SH2D3C: variants seen among roughly 807,000 people sequenced by gnomAD.
The protein encoded by SH2D3C is SH2 domain-containing protein 3C.
Under a neutral mutation model 75.2 loss-of-function variants are expected in SH2D3C, and 25 were observed. The ratio of observed to expected loss-of-function variants is 0.33; its 90% confidence interval spans 0.24 to 0.46. SH2D3C has a LOEUF of 0.46. Ranked by LOEUF, SH2D3C falls within the 20% of genes least tolerant of loss-of-function variation. SH2D3C has a pLI of 1.00. For missense variants in SH2D3C, 933 were observed against 1,165.3 expected (o/e 0.80, Z 2.90); for synonymous variants, 450 against 473.7 (o/e 0.95, Z 0.65).
intron 10 of SH2D3C, 24 bp downstream of exon 10, chr9:127,740,234 C>A: frequency 1.3e-6 from 2 of 1,597,986 alleles, no homozygotes; most frequent in Non-Finnish European, 1.7e-6. Flanking sequence ...GCAGCCTGTC[C>A]AAGGTCACGC....
rs1412161313 is a variant in SH2D3C, at chr9:127,754,101, G to A, written c.556-2801C>T. On this transcript the variant is annotated intron_variant, in intron 3 of 11. Coordinates refer to ENST00000314830, the MANE Select transcript of SH2D3C (RefSeq NM_170600.3). This position sits in a 1 kb window ranked among gnomAD's most constrained non-coding sequence, Gnocchi z 4.4. Reference sequence around the variant, plus strand: ...TCTCACCTCGACCTGGGAGCCCCCAGTTCCCTAGAGTTGGGGGTGCTGGGG... The same window carrying A: ...TCTCACCTCGACCTGGGAGCCCCCAATTCCCTAGAGTTGGGGGTGCTGGGG... Among the ~76,000 whole-genome samples, 1 of 152,184 alleles carries A rather than the reference G, an allele frequency of 6.6e-6. No individual in the cohort carries two copies. The highest frequency in any genetic ancestry group is 2.4e-5 in the African/African-American group (1 of 41,464).
In SH2D3C at chr9:127,751,129, G is replaced by C. The variant is rs777773111; in HGVS notation, c.684+43C>G. The stretch of plus-strand genomic sequence containing the variant: ...GGGCTGGGGCTGGCCAAGGCAGTGG[G>C]TGGGAGGGTCCCGGGTTGAAGTCCA... On this transcript the variant is annotated intron_variant, in intron 4 of 11. Transcript: ENST00000314830. The surrounding 1 kb of genome is among the most constrained non-coding windows in gnomAD (Gnocchi z 4.1). The C allele has an allele frequency of 6.2e-7, 1 of 1,607,926 alleles. No homozygotes were observed. Among genetic ancestry groups the C allele is most frequent in the Admixed American group, 1.7e-5 (1 of 59,712 alleles).
In SH2D3C at chr9:127,743,849, G is replaced by C. The variant is rs535049632; in HGVS notation, c.1800+715C>G. On this transcript the variant is annotated intron_variant, in intron 7 of 11. Coordinates refer to ENST00000314830, the MANE Select transcript of SH2D3C (RefSeq NM_170600.3). ...AGGCATTGACAATTTATGGGCCGAG[G>C]AGGTAATGATTTCTGCTTATTTGTC... Among the ~76,000 whole-genome samples the C allele has an allele frequency of 7.9e-5, 12 of 152,210 alleles. No individual in the cohort carries two copies. The South Asian group carries it at 2.5e-3, about 32-fold the overall frequency.
intron 8 of SH2D3C, 70 bp downstream of exon 8, chr9:127,742,779 C>A: frequency 8.0e-7 from 1 of 1,252,424 alleles, no homozygotes; most frequent in African/African-American, 1.5e-5. Context: ...TTGGCCAACC[C>A]GCCCCGTCCA....
chr9:127,754,356 G>C lies in SH2D3C; in HGVS notation c.556-3056C>G, dbSNP rs184904589. ...GGGGGCAGGAGCGCGGAGACCCCCGGACAGGGTCTTAACCCCTTCCCGCCA... is the reference window on the plus strand; with the variant it reads ...GGGGGCAGGAGCGCGGAGACCCCCGCACAGGGTCTTAACCCCTTCCCGCCA... On this transcript the variant is annotated intron_variant, in intron 3 of 11. Coordinates refer to ENST00000314830, the MANE Select transcript of SH2D3C (RefSeq NM_170600.3). This position sits in a 1 kb window ranked among gnomAD's most constrained non-coding sequence, Gnocchi z 4.4. Among the ~76,000 whole-genome samples the C allele has an allele frequency of 0.016, 2,366 of 152,092 alleles. 33 individuals are homozygous for C. The highest frequency in any genetic ancestry group is 0.027 in the Middle Eastern group (8 of 294).
chr9:127,749,147 TTC>T lies in SH2D3C; in HGVS notation c.1139+62_1139+63del, dbSNP rs1231236862. Reference sequence around the variant, plus strand: ...CATCCCATTTCAGTGTACCTAGGCCTTCTCTTTCTCACTAGCCCTCTCATTAC... The same window carrying T: ...CATCCCATTTCAGTGTACCTAGGCCTTCTTTCTCACTAGCCCTCTCATTAC... On this transcript the variant is annotated intron_variant, in intron 5 of 11. Coordinates refer to ENST00000314830, the MANE Select transcript of SH2D3C (RefSeq NM_170600.3). The surrounding 1 kb of genome is among the most constrained non-coding windows in gnomAD (Gnocchi z 5.9). The T allele has an allele frequency of 5.8e-6, 7 of 1,210,686 alleles. No homozygotes were observed. In the Admixed American group the frequency reaches 1.3e-4, roughly 23 times the overall value. The allele number at this position is 1,210,686 out of a possible 1,614,324, so 75.0% of individuals were successfully genotyped here.
rs1157180630 is a variant in SH2D3C at position 127,754,870 on chromosome 9, C to A, written c.556-3570G>T. ...CCGCAGCCCAGAGTCCCAGGAGTGG[C>A]CGCCGAACCCTCACCCCGCGGAGCG... On this transcript the variant is annotated intron_variant, in intron 3 of 11. Coordinates refer to ENST00000314830, the MANE Select transcript of SH2D3C (RefSeq NM_170600.3). The surrounding 1 kb of genome is among the most constrained non-coding windows in gnomAD (Gnocchi z 4.4). The A allele has an allele frequency of 2.0e-6, 1 of 502,362 alleles. No homozygotes were observed. The highest frequency in any genetic ancestry group is 6.0e-5 in the East Asian group (1 of 16,544). 31.1% of individuals were successfully genotyped at this position (502,362 alleles called of 1,614,324 possible). A position where few individuals can be genotyped will look rare whatever the true frequency, so the allele number is the denominator to read the frequency against.
chr9:127,747,551 G>A lies in SH2D3C; in HGVS notation c.1140-280C>T, dbSNP rs910545441. The stretch of plus-strand genomic sequence containing the variant: ...TCTTTTCTTTTTTGTTTTTTTTTTC[G>A]GAGATGGAGTCTCACTCTGTCGCCC... On this transcript the variant is annotated intron_variant, in intron 5 of 11. Coordinates refer to ENST00000314830, the MANE Select transcript of SH2D3C (RefSeq NM_170600.3). Among the ~76,000 whole-genome samples, 5 of 144,922 alleles carry A rather than the reference G, an allele frequency of 3.5e-5. No individual in the cohort carries two copies. The East Asian group carries it at 5.9e-4, about 17-fold the overall frequency.
chr9:127,744,481 G>A, intron 7 of SH2D3C, 83 bp downstream of exon 7: 4 of 1,491,706 alleles, frequency 2.7e-6, no homozygotes, highest in Non-Finnish European at 3.6e-6. Flanking sequence ...GCTGTACTTG[G>A]GGAATCTGGG....
chr9:127,742,074 A>C (rs1379257239), intron 8 of SH2D3C, 115 bp from the exon 9 acceptor site: 1 of 996,544 alleles, frequency 1.0e-6, no homozygotes, highest in African/African-American at 1.6e-5. Flanking sequence ...CCAACGTGAG[A>C]GGTTGTAAGG....
In SH2D3C at chr9:127,739,158, A is replaced by ATT. The variant is rs66827562; in HGVS notation, c.2408-239_2408-238dup. On this transcript the variant is annotated intron_variant, in intron 11 of 11. Transcript: ENST00000314830. The surrounding 1 kb of genome is among the most constrained non-coding windows in gnomAD (Gnocchi z 4.3). ...TAAATATGTTTGCAGATTTTTGGTG[A>ATT]TTTTTTTTCTTTTTTCGTATTTTTC... Among the ~76,000 whole-genome samples, 1,490 of 151,978 alleles carry ATT rather than the reference A, an allele frequency of 9.8e-3. 28 individuals carry two copies. Among genetic ancestry groups the ATT allele is most frequent in the African/African-American group, 0.035 (1,431 of 41,440 alleles).
intron 9 of SH2D3C, 86 bp from the exon 10 acceptor site, chr9:127,740,455 T>C (rs1844821937): frequency 3.5e-6 from 3 of 855,450 alleles, no homozygotes; most frequent in East Asian, 2.5e-5. Context: ...CACCCAGATG[T>C]GGGATCGTTA....
At chr9:127,766,268 A>T (rs975762428) in intron 2 of SH2D3C, among the ~76,000 whole-genome samples, 4 of 152,154 alleles carry the variant, frequency 2.6e-5, no homozygotes, top group Non-Finnish European at 5.9e-5. Context: ...GCCTGGACAT[A>T]CGTCCTCAAG....
chr9:127,762,411 G>T, intron 2 of SH2D3C: 1 of 946,626 alleles, frequency 1.1e-6, no homozygotes, highest in Non-Finnish European at 1.5e-6. Flanking sequence ...GCCTCCCCTT[G>T]GATATCTGAA....
chr9:127,757,090 C>G (rs958010509), intron 3 of SH2D3C, among the ~76,000 whole-genome samples: 5 of 150,144 alleles, frequency 3.3e-5, no homozygotes, highest in African/African-American at 1.2e-4. Flanking sequence ...GTGCCTGCCA[C>G]CATGCTTGGC....
intron 9 of SH2D3C, among the ~76,000 whole-genome samples, chr9:127,741,229 TTTC>T (rs2131733263): frequency 1.3e-5 from 2 of 151,410 alleles, no homozygotes; most frequent in African/African-American, 2.4e-5. Flanking sequence ...TGGTTGCCAC[TTTC>T]TTCTTATTCT....
chr9:127,773,881 G>T, intron 2 of SH2D3C, 109 bp downstream of exon 2: 1 of 665,806 alleles, frequency 1.5e-6, no homozygotes, highest in Admixed American at 2.9e-5. Context: ...TCACACCACT[G>T]CACTCCAGCC....
At position 127,747,185 on chromosome 9, in the gene SH2D3C, G is replaced by A. The variant is rs767303936; in HGVS notation, c.1226C>T (p.Pro409Leu). The change falls in exon 6 of 12, where the codon CCC becomes CTC. Residue 409 changes from proline to leucine, a missense_variant. Physicochemically the swap from Pro to Leu is moderately conservative, Grantham distance 98 (BLOSUM62 -3). Transcript: ENST00000314830. ...AGGGGAGCTAGGGCTCTCGGAGATG[G>A]GCGACATGGGTGAGTGCAGGTCTGG... ...QIPDLHSPMS[P>L]ISESPSSPAY... The A allele has an allele frequency of 4.3e-6, 7 of 1,613,932 alleles. No individual in the cohort carries two copies. The highest frequency in any genetic ancestry group is 1.1e-5 in the South Asian group (1 of 91,080).
intron 2 of SH2D3C, chr9:127,767,339 C>T (rs564718512): frequency 7.2e-4 from 1,031 of 1,427,664 alleles, no homozygotes; most frequent in Non-Finnish European, 8.9e-4. Context: ...GCCTGGATCT[C>T]GAAGCCCCAT....
Sources: gnomAD v4.1 joint callset for allele counts (sites outside exome capture counted in the v4.1 genomes callset) on GRCh38, gnomAD v4.1.1 for gene constraint, Gnocchi (gnomAD v3.1) non-coding constraint, MANE v1.5 for transcripts, NCBI Gene and HGNC (gene_info 2026-07-23, HGNC 2026-07-21) for gene names.